The following SLC24A2 variants were observed in gnomAD, a reference collection of about 807,000 sequenced individuals.
The protein encoded by SLC24A2 is solute carrier family 24 member 2, also known as sodium/potassium/calcium exchanger 2.
A neutral mutation model predicts 62.0 loss-of-function variants in SLC24A2; 36 were observed. The observed-to-expected ratio is 0.58, with a 90% CI of 0.44 to 0.77. The LOEUF is 0.77. Ranked by LOEUF, SLC24A2 falls within the 30% of genes least tolerant of loss-of-function variation. The pLI is 0.00. For synonymous variants in SLC24A2, 358 were observed against 294.0 expected (o/e 1.22, Z -2.23); for missense variants, 846 against 817.9 (o/e 1.03, Z -0.42).
the SLC24A2 span, among the ~76,000 whole-genome samples, chr9:20,258,410 G>A: frequency 2.0e-5 from 3 of 152,184 alleles, no homozygotes; most frequent in East Asian, 3.9e-4. Flanking sequence ...ACTGGCATGT[G>A]GGTCAGTGGA....
the SLC24A2 span, among the ~76,000 whole-genome samples, chr9:19,801,443 G>C: frequency 3.7e-4 from 56 of 152,160 alleles, no homozygotes; most frequent in African/African-American, 1.3e-3. Context: ...AGTGGTGGAC[G>C]GTGAGCAAAA....
intron 7 of SLC24A2, among the ~76,000 whole-genome samples, chr9:19,553,897 G>A (rs980711904): frequency 6.6e-6 from 1 of 152,134 alleles, no homozygotes; most frequent in Non-Finnish European, 1.5e-5. Context: ...TTGTCTTCCC[G>A]TATCTATTCT....
At chr9:19,676,096 T>C (rs1819552759) in intron 2 of SLC24A2, among the ~76,000 whole-genome samples, 2 of 152,212 alleles carry the variant, frequency 1.3e-5, no homozygotes, top group South Asian at 4.1e-4. Flanking sequence ...TAAAATTTTC[T>C]CAGCTCCAAG....
chr9:19,818,477 C>T, the SLC24A2 span, among the ~76,000 whole-genome samples: 1 of 152,240 alleles, frequency 6.6e-6, no homozygotes, highest in South Asian at 2.1e-4. Context: ...CAGAAAGCTC[C>T]TAGAATTGAT....
chr9:20,305,123 T>C, the SLC24A2 span, among the ~76,000 whole-genome samples: 1 of 151,724 alleles, frequency 6.6e-6, no homozygotes, highest in South Asian at 2.1e-4. Flanking sequence ...TTTTTTTTTT[T>C]TTTTGAGATG....
chr9:20,096,702 T>G, the SLC24A2 span, among the ~76,000 whole-genome samples: 8 of 152,072 alleles, frequency 5.3e-5, no homozygotes, highest in Admixed American at 2.0e-4. Context: ...TCTTCTCAGT[T>G]TTTTCTTACA....
At chr9:20,271,765 G>A in the SLC24A2 span, among the ~76,000 whole-genome samples, 5 of 151,976 alleles carry the variant, frequency 3.3e-5, no homozygotes, top group Admixed American at 3.3e-4. Flanking sequence ...ATTAAAGAAA[G>A]GTTTGAATGA....
At chr9:20,123,026 G>A in the SLC24A2 span, among the ~76,000 whole-genome samples, 3 of 152,214 alleles carry the variant, frequency 2.0e-5, no homozygotes, top group Middle Eastern at 3.4e-3. Context: ...TATTCAGGAT[G>A]CTATAACTAG....
chr9:19,729,542 A>T (rs1490744153), intron 2 of SLC24A2, among the ~76,000 whole-genome samples: 2 of 152,222 alleles, frequency 1.3e-5, no homozygotes, highest in Non-Finnish European at 2.9e-5. Flanking sequence ...CAGCCATAAA[A>T]AGAATGGAAT....
chr9:19,542,027 G>A (rs986355626), intron 8 of SLC24A2, among the ~76,000 whole-genome samples: 5 of 152,188 alleles, frequency 3.3e-5, no homozygotes, highest in East Asian at 1.9e-4. Context: ...TGACCCTTGC[G>A]CTTCCCAGGT....
In SLC24A2 at chr9:19,576,954, C is replaced by T. The variant is rs571252255; in HGVS notation, c.1198G>A (p.Glu400Lys). The change falls in exon 6 of 11, where the codon GAG (glutamate) becomes AAG (lysine). Residue 400 changes from glutamate to lysine, a missense_variant. Physicochemically the swap from Glu to Lys is moderately conservative, Grantham distance 56. Coordinates refer to ENST00000341998, the MANE Select transcript of SLC24A2 (RefSeq NM_020344.4). The part of the protein sequence containing the change: ...AKKKCHVDEN[E>K]RQNGAANHVE... ...TGGTTGGCAGCCCCATTCTGCCTCT[C>T]GTTCTCATCCACATGACATTTCTTC... The T allele has an allele frequency of 1.2e-5, 19 of 1,614,062 alleles. No individual in the cohort carries two copies. The highest frequency in any genetic ancestry group is 6.7e-5 in the African/African-American group (5 of 75,050).
At chr9:19,582,446 G>A (rs1435887421) in intron 5 of SLC24A2, among the ~76,000 whole-genome samples, 1 of 152,134 alleles carries the variant, frequency 6.6e-6, no homozygotes, top group Admixed American at 6.5e-5. Flanking sequence ...CAGAAACAAC[G>A]ATGGGACAAA....
chr9:19,597,038 C>T (rs187725497), intron 5 of SLC24A2, among the ~76,000 whole-genome samples, 191 bp downstream of exon 5: 84 of 152,052 alleles, frequency 5.5e-4, no homozygotes, highest in African/African-American at 1.7e-3. Context: ...ACATGATTAC[C>T]CATGGTATTG....
intron 7 of SLC24A2, among the ~76,000 whole-genome samples, chr9:19,550,470 G>C (rs930830725): frequency 3.3e-5 from 5 of 152,288 alleles, no homozygotes; most frequent in South Asian, 4.1e-4. Context: ...CCATGAGCAT[G>C]TAAGAATTTT....
At chr9:19,855,117 C>CT in the SLC24A2 span, among the ~76,000 whole-genome samples, 5 of 152,058 alleles carry the variant, frequency 3.3e-5, no homozygotes, top group African/African-American at 1.2e-4. Flanking sequence ...ATGACCTCTG[C>CT]TTTTTTCTGC....
chr9:20,224,239 A>G, the SLC24A2 span, among the ~76,000 whole-genome samples: 8 of 152,136 alleles, frequency 5.3e-5, no homozygotes, highest in South Asian at 1.7e-3. Context: ...AGAATTTAAA[A>G]TGTTTAGAAG....
chr9:19,559,436 G>A (rs1156778624), intron 7 of SLC24A2, among the ~76,000 whole-genome samples: 2 of 152,094 alleles, frequency 1.3e-5, no homozygotes, highest in African/African-American at 4.8e-5. Flanking sequence ...GAGAAAATAC[G>A]ATTTTATTCC....
the SLC24A2 span, among the ~76,000 whole-genome samples, chr9:19,987,438 T>C: frequency 6.6e-6 from 1 of 152,272 alleles, no homozygotes; most frequent in African/African-American, 2.4e-5. Flanking sequence ...TTTAAGTGAT[T>C]AGTGAGGATT....
chr9:19,934,472 A>T, the SLC24A2 span, among the ~76,000 whole-genome samples: 1 of 150,990 alleles, frequency 6.6e-6, no homozygotes, highest in Non-Finnish European at 1.5e-5. The surrounding 1 kb of genome is among the most constrained non-coding windows in gnomAD (Gnocchi z 4.1). Context: ...CCCCAAGCAA[A>T]TCCTGGCCCC....
Sources: gnomAD v4.1 joint callset for allele counts (sites outside exome capture counted in the v4.1 genomes callset) on GRCh38, gnomAD v4.1.1 for gene constraint, Gnocchi (gnomAD v3.1) non-coding constraint, MANE v1.5 for transcripts, NCBI Gene and HGNC (gene_info 2026-07-23, HGNC 2026-07-21) for gene names.